Variants in LMBR1 observed in about 807,000 individuals in gnomAD.
LMBR1 encodes the protein limb development membrane protein 1, also known as limb region 1 protein homolog.
A neutral mutation model predicts 73.9 loss-of-function variants in LMBR1; 52 were observed. The observed-to-expected ratio is 0.70, with a 90% CI of 0.56 to 0.89. The LOEUF (loss-of-function observed/expected upper bound fraction) is 0.89, where lower values mean the gene tolerates loss of function less well. LMBR1 is among the 40% of genes least tolerant of loss of function. The probability of loss-of-function intolerance (pLI) is 0.00; values close to 1 mark genes in which losing one functional copy is unlikely to be tolerated. For synonymous variants in LMBR1, 215 were observed against 209.4 expected (o/e 1.03, Z -0.23); for missense variants, 539 against 579.8 (o/e 0.93, Z 0.72).
chr7:156,796,678 T>C (rs1830100259), intron 4 of LMBR1, among the ~76,000 whole-genome samples, 186 bp from the exon 5 acceptor site: 2 of 152,210 alleles, frequency 1.3e-5, no homozygotes, highest in African/African-American at 4.8e-5. Context: ...CTTGTACCTA[T>C]TGGGAAAAGT....
At chr7:156,867,097 A>G (rs972190313) in intron 1 of LMBR1, among the ~76,000 whole-genome samples, 2 of 152,242 alleles carry the variant, frequency 1.3e-5, no homozygotes, top group East Asian at 3.8e-4. Flanking sequence ...CCAACAAAAA[A>G]TTGACAAAGA....
intron 1 of LMBR1, among the ~76,000 whole-genome samples, chr7:156,841,229 T>A (rs181224178): frequency 2.0e-5 from 3 of 151,272 alleles, no homozygotes; most frequent in Non-Finnish European, 4.4e-5. Flanking sequence ...AGAAGAGGAG[T>A]AGTTTTGAGG....
At chr7:156,887,244 C>G (rs1802057453) in intron 1 of LMBR1, among the ~76,000 whole-genome samples, 1 of 152,026 alleles carries the variant, frequency 6.6e-6, no homozygotes, top group Non-Finnish European at 1.5e-5. Context: ...GGCGGCAGAT[C>G]ACGAGGTCAA....
At chr7:156,743,513 A>G (rs567509442) in intron 9 of LMBR1, among the ~76,000 whole-genome samples, 2 of 152,210 alleles carry the variant, frequency 1.3e-5, no homozygotes, top group Non-Finnish European at 2.9e-5. Context: ...AGCAAACTTC[A>G]AAGAGGATTT....
chr7:156,744,787 G>C (rs1585514276), intron 9 of LMBR1, among the ~76,000 whole-genome samples: 1 of 152,310 alleles, frequency 6.6e-6, no homozygotes, highest in Middle Eastern at 3.4e-3. Flanking sequence ...CTGGAAGTGA[G>C]AAGTCCTAAA....
intron 2 of LMBR1, among the ~76,000 whole-genome samples, chr7:156,836,511 T>G (rs1359303847): frequency 3.3e-5 from 5 of 152,182 alleles, no homozygotes; most frequent in Non-Finnish European, 7.3e-5. Context: ...TCAGAGCCGC[T>G]CACAAGGAAC....
At chr7:156,874,127 C>T (rs1799777257) in intron 1 of LMBR1, among the ~76,000 whole-genome samples, 1 of 152,220 alleles carries the variant, frequency 6.6e-6, no homozygotes, top group Non-Finnish European at 1.5e-5. Flanking sequence ...GCATGGTGGG[C>T]TGCAGGTCCC....
chr7:156,857,586 C>T (rs1465039589), intron 1 of LMBR1, among the ~76,000 whole-genome samples: 6 of 152,166 alleles, frequency 3.9e-5, no homozygotes, highest in East Asian at 1.9e-4. Context: ...TTGAACTGAA[C>T]GGCATCATCT....
intron 1 of LMBR1, among the ~76,000 whole-genome samples, chr7:156,884,938 G>A (rs1242531130): frequency 1.3e-5 from 2 of 152,172 alleles, no homozygotes; most frequent in Admixed American, 6.5e-5. Context: ...GAAAACAGCA[G>A]GTAAACTCAT....
At chr7:156,704,271 C>G (rs1810423709) in intron 15 of LMBR1, among the ~76,000 whole-genome samples, 1 of 152,166 alleles carries the variant, frequency 6.6e-6, no homozygotes, top group African/African-American at 2.4e-5. Context: ...GTCCCCAGTA[C>G]AACTTCACAA....
downstream of LMBR1, chr7:156,676,305 C>G (rs1035264912): frequency 3.1e-6 from 5 of 1,606,628 alleles, no homozygotes; most frequent in Non-Finnish European, 4.2e-6. Context: ...AATGAAACTT[C>G]CGCATGTTTC....
At chr7:156,722,939 T>G (rs1254779326) in intron 15 of LMBR1, among the ~76,000 whole-genome samples, 1 of 152,142 alleles carries the variant, frequency 6.6e-6, no homozygotes, top group Admixed American at 6.6e-5. Context: ...GGCTGAAATA[T>G]AACAGAAATT....
chr7:156,861,098 TCTGCA>T (rs1797656281), intron 1 of LMBR1, among the ~76,000 whole-genome samples: 1 of 152,222 alleles, frequency 6.6e-6, no homozygotes, highest in Non-Finnish European at 1.5e-5. Context: ...ACATTTCCCT[TCTGCA>T]CTGCCCTAGC....
At chr7:156,752,617 T>A (rs1185693923) in intron 9 of LMBR1, among the ~76,000 whole-genome samples, 3 of 152,144 alleles carry the variant, frequency 2.0e-5, no homozygotes, top group Admixed American at 2.0e-4. Context: ...AAAAAGCTTG[T>A]GAAAATTCTC....
chr7:156,674,230 A>C (rs1293148451), downstream of LMBR1, among the ~76,000 whole-genome samples: 1 of 152,196 alleles, frequency 6.6e-6, no homozygotes, highest in Non-Finnish European at 1.5e-5. Flanking sequence ...GGGCTCGGGA[A>C]CTGTCTCCCT....
downstream of LMBR1, chr7:156,676,309 A>G: frequency 6.2e-7 from 1 of 1,610,134 alleles, no homozygotes; most frequent in Non-Finnish European, 8.5e-7. Flanking sequence ...AAACTTCCGC[A>G]TGTTTCGAAG....
At chr7:156,729,871 G>C (rs1816515376) in intron 10 of LMBR1, among the ~76,000 whole-genome samples, 2 of 152,124 alleles carry the variant, frequency 1.3e-5, no homozygotes, top group African/African-American at 4.8e-5. Context: ...CTAAGAACAA[G>C]AAGAAAAGAT....
At chr7:156,745,259 G>T in intron 9 of LMBR1, among the ~76,000 whole-genome samples, 1 of 151,826 alleles carries the variant, frequency 6.6e-6, no homozygotes, top group African/African-American at 2.4e-5. Flanking sequence ...CTACTTTTGA[G>T]GATTAGGTAT....
chr7:156,846,638 G>A (rs751338754), intron 1 of LMBR1, among the ~76,000 whole-genome samples: 1 of 152,026 alleles, frequency 6.6e-6, no homozygotes, highest in African/African-American at 2.4e-5. Flanking sequence ...CATTCAGTGC[G>A]ATTACAATTA....
Sources: allele counts gnomAD v4.1 joint callset (sites outside exome capture counted in the v4.1 genomes callset), GRCh38; gene constraint gnomAD v4.1.1; transcripts MANE v1.5; gene names NCBI Gene and HGNC (gene_info 2026-07-23, HGNC 2026-07-21).